The following NOX5 variants were observed in gnomAD, a reference collection of about 807,000 sequenced individuals.
The protein encoded by NOX5 is NADPH oxidase, EF-hand calcium binding domain 5.
In NOX5, 76 loss-of-function variants were observed where a neutral mutation model predicts 85.7. The observed-to-expected ratio is 0.89, with a 90% CI of 0.74 to 1.07. The LOEUF is 1.07. Among genes scored for constraint, NOX5 ranks in the 50% least tolerant of loss-of-function variants. NOX5 has a pLI of 0.00. For missense variants in NOX5, 973 were observed against 999.5 expected (o/e 0.97, Z 0.36); for synonymous variants, 405 against 401.4 (o/e 1.01, Z -0.11).
In NOX5 at chr15:69,028,244, A is replaced by G. The variant is rs1228298194; in HGVS notation, c.204A>G (p.Leu68=). The change falls in exon 3 of 16, where the codon CTA becomes CTG. Residue 68 remains leucine (L), a synonymous_variant. Coordinates refer to ENST00000388866, the MANE Select transcript of NOX5 (RefSeq NM_024505.4). ...ESFFAERFFA[L]FDSDRSGTIT... is the part of the protein sequence containing the mutation. ...TCTTTGCAGAGCGATTCTTTGCCCT[A>G]TTTGACTCCGATAGAAGTGGCACCA... is the stretch of plus-strand genomic sequence containing the variant. 3 of 1,611,538 alleles carry G rather than the reference A, an allele frequency of 1.9e-6. No homozygotes were observed. Among genetic ancestry groups the G allele is most frequent in the East Asian group, 4.5e-5 (2 of 44,660 alleles).
intron 1 of NOX5, chr15:69,023,000 C>G: frequency 2.0e-6 from 1 of 505,620 alleles, no homozygotes; most frequent in Admixed American, 2.1e-5. Flanking sequence ...CCTTAATGGC[C>G]TCACAAAGAG....
rs565322692 is a variant in NOX5 at position 69,054,056 on chromosome 15, G to T, written c.2000-1278G>T. Among the ~76,000 whole-genome samples, 3 of 152,268 alleles carry T rather than the reference G, an allele frequency of 2.0e-5. No individual in the cohort carries two copies. The South Asian group carries it at 6.2e-4, about 32-fold the overall frequency. On this transcript the variant is annotated intron_variant, in intron 14 of 15. Coordinates refer to ENST00000388866, the MANE Select transcript of NOX5 (RefSeq NM_024505.4). ...GCAAAGCTCCTTTAGTCTGGGTGTA[G>T]AGGAAGAGAGGGAGAGGAGAAGGAT...
intron 4 of NOX5, among the ~76,000 whole-genome samples, chr15:69,032,292 A>T (rs1188159355): frequency 6.6e-6 from 1 of 152,084 alleles, no homozygotes; most frequent in Non-Finnish European, 1.5e-5. Context: ...AAACTAGAGA[A>T]GCACAAAATT....
chr15:69,021,647 T>G (rs1370540914), intron 1 of NOX5, among the ~76,000 whole-genome samples: 2 of 152,206 alleles, frequency 1.3e-5, no homozygotes, highest in Non-Finnish European at 2.9e-5. Flanking sequence ...AAATAATTAT[T>G]GGTCCATTCA....
chr15:69,052,259 A>G (rs944408245), intron 14 of NOX5, among the ~76,000 whole-genome samples: 2 of 151,406 alleles, frequency 1.3e-5, no homozygotes, highest in Non-Finnish European at 2.9e-5. Flanking sequence ...CCTCCCCTCA[A>G]CCTCTCCAAC....
chr15:69,050,537 C>G (rs2050735087), intron 14 of NOX5, among the ~76,000 whole-genome samples: 1 of 152,112 alleles, frequency 6.6e-6, no homozygotes, highest in African/African-American at 2.4e-5. Flanking sequence ...ATTACAAGCG[C>G]CCGCCTCCAC....
chr15:69,042,834 A>G lies in NOX5; in HGVS notation c.1647+29A>G, dbSNP rs746057588. ...GGTGGCTACTGGAGGGAAGGGGTCCACTCTGCTGGCAAGTCCACAGAGACC... is the reference window on the plus strand; with the variant it reads ...GGTGGCTACTGGAGGGAAGGGGTCCGCTCTGCTGGCAAGTCCACAGAGACC... On this transcript the variant is annotated intron_variant, in intron 10 of 15. Transcript: ENST00000388866. The G allele has an allele frequency of 2.8e-5, 45 of 1,604,580 alleles. 1 individual carries two copies. In the East Asian group the frequency reaches 6.7e-4, roughly 24 times the overall value.
Position 69,058,560 on chromosome 15 carries a change from T to G in NOX5, c.*1864T>G, listed in dbSNP as rs533250175. ...GGCCTGCAGTCAAGGAGAGGCTAAT[T>G]CGGTTTGGGTGGGTGGAAAGCGGGG... On this transcript the variant is annotated 3_prime_UTR_variant, in exon 16 of 16. Coordinates refer to ENST00000388866, the MANE Select transcript of NOX5 (RefSeq NM_024505.4). 6.6e-6 allele frequency: 1 copy of G among 152,338 alleles called. No individual in the cohort carries two copies. The highest frequency in any genetic ancestry group is 1.5e-5 in the Non-Finnish European group (1 of 68,094). The allele number at this position is 152,338 out of a possible 1,614,324, so 9.4% of individuals were successfully genotyped here.
chr15:69,028,114 A>AC (rs145922407), intron 2 of NOX5, 101 bp from the exon 3 acceptor site: 19,195 of 1,291,172 alleles, frequency 0.015, 429 homozygotes, highest in Admixed American at 0.1. Flanking sequence ...TCTGTGGTGC[A>AC]CCCCCCCACC....
intron 5 of NOX5, 149 bp from the exon 6 acceptor site, chr15:69,035,205 G>A (rs2050495257): frequency 2.6e-6 from 2 of 767,154 alleles, no homozygotes; most frequent in East Asian, 5.5e-5. Context: ...TGAATCCAGG[G>A]AAGCAACAAG....
At position 69,055,420 on chromosome 15, in the gene NOX5, C is replaced by T. The variant is rs1291949724; in HGVS notation, c.2086C>T (p.Leu696Phe). Residue 696 changes from leucine to phenylalanine, a missense_variant, in exon 15 of 16, where the codon CTC becomes TTC. By Grantham distance (22) the Leu-to-Phe change is conservative. Coordinates refer to ENST00000388866, the MANE Select transcript of NOX5 (RefSeq NM_024505.4). Reference sequence around the variant, plus strand: ...CATTGGCCTGCAGATGGCCCTTGACCTCCTGGCCAACAAGGAGAAGAAAGA... The same window carrying T: ...CATTGGCCTGCAGATGGCCCTTGACTTCCTGGCCAACAAGGAGAAGAAAGA... ...KAIGLQMALD[L>F]LANKEKKDSI... is the part of the protein sequence containing the mutation. The T allele has an allele frequency of 1.2e-6, 2 of 1,614,226 alleles. No homozygotes were observed. The highest frequency in any genetic ancestry group is 2.2e-5 in the East Asian group (1 of 44,882).
In NOX5 at chr15:69,059,945, C is replaced by T. The variant is rs1486404492; in HGVS notation, c.*3249C>T. 6.6e-6 allele frequency: 1 copy of T among 152,264 alleles called. No individual in the cohort carries two copies. The highest frequency in any genetic ancestry group is 1.5e-5 in the Non-Finnish European group (1 of 68,076). The allele number at this position is 152,264 out of a possible 1,614,324, so 9.4% of individuals were successfully genotyped here. On this transcript the variant is annotated 3_prime_UTR_variant, in exon 16 of 16. Coordinates refer to ENST00000388866, the MANE Select transcript of NOX5 (RefSeq NM_024505.4). ...AAGGCCAGACATGGGGACCCAAAGC[C>T]TAGCACAGAGTGTAGACCAGATGTC...
At chr15:69,030,172 C>T (rs2050410981) in intron 3 of NOX5, 1 of 152,164 alleles carries the variant, frequency 6.6e-6, no homozygotes, top group South Asian at 2.1e-4. Flanking sequence ...TGATCTTAGA[C>T]TAGTTACTTA....
rs573128097 is a variant in NOX5, at chr15:69,059,823, G to A, written c.*3127G>A. Reference sequence around the variant, plus strand: ...ATGCTGTAGAAACATCTGGGCCCACGACAGATAAGGCTGACACATGCAAAG... The same window carrying A: ...ATGCTGTAGAAACATCTGGGCCCACAACAGATAAGGCTGACACATGCAAAG... On this transcript the variant is annotated 3_prime_UTR_variant, in exon 16 of 16. Transcript: ENST00000388866. 7.9e-5 allele frequency: 12 copies of A among 151,538 alleles called. No individual in the cohort carries two copies. The highest frequency in any genetic ancestry group is 2.9e-4 in the African/African-American group (12 of 41,266). 9.4% of individuals were successfully genotyped at this position (151,538 alleles called of 1,614,324 possible). A position where few individuals can be genotyped will look rare whatever the true frequency, so the allele number is the denominator to read the frequency against.
intron 14 of NOX5, among the ~76,000 whole-genome samples, chr15:69,053,879 C>A (rs1041453802): frequency 1.3e-5 from 2 of 152,210 alleles, no homozygotes; most frequent in African/African-American, 4.8e-5. Flanking sequence ...CCCTCCCACA[C>A]CATCCAGCAC....
At chr15:69,045,652 C>T (rs1375158532) in intron 10 of NOX5, among the ~76,000 whole-genome samples, 2 of 147,760 alleles carry the variant, frequency 1.4e-5, no homozygotes, top group Non-Finnish European at 3.0e-5. Flanking sequence ...TCTCCCCCTC[C>T]CTCCCTCTCT....
rs951905795 is a variant in NOX5 at position 69,059,183 on chromosome 15, G to A, written c.*2487G>A. 20 of 152,196 alleles carry A rather than the reference G, an allele frequency of 1.3e-4. No homozygotes were observed. The highest frequency in any genetic ancestry group is 4.3e-4 in the African/African-American group (18 of 41,442). The allele number at this position is 152,196 out of a possible 1,614,324, so 9.4% of individuals were successfully genotyped here. A position where few individuals can be genotyped will look rare whatever the true frequency, so the allele number is the denominator to read the frequency against. ...ACTTGGACATACGATTCTAAAATCC[G>A]TGAATGCCCACATGTGTGACGACCA... On this transcript the variant is annotated 3_prime_UTR_variant, in exon 16 of 16. Coordinates refer to ENST00000388866, the MANE Select transcript of NOX5 (RefSeq NM_024505.4).
chr15:69,033,089 C>T lies in NOX5; in HGVS notation c.667C>T (p.Arg223Trp), dbSNP rs761561645. ...CCCCGCCCCCCGCCCACGCCCGCGC[C>T]GGCCGCGCCAGCTGACCCGCGCCTA... ...TAPAPRPRPR[R>W]PRQLTRAYWH... The change falls in exon 5 of 16, where the codon CGG becomes TGG. Residue 223 changes from arginine to tryptophan, a missense_variant. Transcript: ENST00000388866. 5.9e-5 allele frequency: 92 copies of T among 1,556,768 alleles called. No individual in the cohort carries two copies. Among genetic ancestry groups the T allele is most frequent in the Non-Finnish European group, 7.8e-5 (91 of 1,159,770 alleles).
At chr15:69,015,629 G>A (rs1375428842) in intron 1 of NOX5, among the ~76,000 whole-genome samples, 1 of 152,162 alleles carries the variant, frequency 6.6e-6, no homozygotes, top group African/African-American at 2.4e-5. Flanking sequence ...TCCCCACCAA[G>A]GTTGGCGAGT....
Sources: gnomAD v4.1 joint callset for allele counts (sites outside exome capture counted in the v4.1 genomes callset) on GRCh38, gnomAD v4.1.1 for gene constraint, MANE v1.5 for transcripts, NCBI Gene and HGNC (gene_info 2026-07-23, HGNC 2026-07-21) for gene names.